Variants in ROPN1B observed in about 807,000 individuals in gnomAD.
The protein encoded by ROPN1B is ropporin-1B.
A neutral mutation model predicts 23.7 loss-of-function variants in ROPN1B; 13 were observed. That is an observed-to-expected ratio of 0.55 (90% CI 0.36 to 0.87). The LOEUF (loss-of-function observed/expected upper bound fraction) is 0.87, where lower values mean the gene tolerates loss of function less well. ROPN1B is among the 40% of genes least tolerant of loss of function. The pLI is 0.01. For synonymous variants in ROPN1B, 67 were observed against 100.4 expected, an observed-to-expected ratio of 0.67 and a Z score of 1.99; for missense variants, 183 against 249.2, an observed-to-expected ratio of 0.73 and a Z score of 1.79.
rs991509642 is a variant in ROPN1B at position 125,971,156 on chromosome 3, TGCCCAGGTGA to T, written c.-14_-13+8del. 4 of 153,350 alleles carry T rather than the reference TGCCCAGGTGA, an allele frequency of 2.6e-5. No homozygotes were observed. The highest frequency in any genetic ancestry group is 9.7e-5 in the African/African-American group (4 of 41,424). The allele number at this position is 153,350 out of a possible 1,614,324, so 9.5% of individuals were successfully genotyped here. A position where few individuals can be genotyped will look rare whatever the true frequency, so the allele number is the denominator to read the frequency against. On this transcript the variant is annotated splice_donor_variant and splice_donor_region_variant and 5_prime_UTR_variant and intron_variant, in exon 2 of 7. Transcript: ENST00000514116. LOFTEE classifies it low-confidence loss of function (5UTR_SPLICE). ...GCTTCAAGTTCCTGCCATCTACATGTGCCCAGGTGAGCCCTAGTTTCTTCATTTGCCCAGC... is the reference window on the plus strand; with the variant it reads ...GCTTCAAGTTCCTGCCATCTACATGTGCCCTAGTTTCTTCATTTGCCCAGC...
intron 3 of ROPN1B, chr3:125,973,302 A>C (rs1938284126): frequency 6.2e-5 from 20 of 323,032 alleles, no homozygotes; most frequent in Non-Finnish European, 6.1e-5. Flanking sequence ...TCTCTGGGCC[A>C]GTGTTGTGCT....
chr3:125,975,089 C>T (rs1938355016), intron 3 of ROPN1B, among the ~76,000 whole-genome samples: 3 of 152,080 alleles, frequency 2.0e-5, no homozygotes, highest in African/African-American at 2.4e-5. Flanking sequence ...AGTGGTCCTC[C>T]AGGCTCAGGC....
intron 5 of ROPN1B, chr3:125,978,000 C>A (rs1938484294): frequency 6.6e-6 from 1 of 152,158 alleles, no homozygotes; most frequent in Admixed American, 6.5e-5. Context: ...CTCAAATATG[C>A]TTGGAATGCA....
Position 125,982,395 on chromosome 3 carries a change from G to A in ROPN1B, c.522G>A (p.Glu174=), listed in dbSNP as rs1383313734. The change falls in exon 6 of 7, where the codon GAG becomes GAA. Residue 174 remains glutamate, a synonymous_variant. Transcript: ENST00000514116. ...CGTATATTGCCGAAGTGGATGGGGA[G>A]ATCTGTGCATCACATGTCAGCAGGA... ...LYTYIAEVDG[E]ICASHVSRML... 6.2e-7 allele frequency: 1 copy of A among 1,612,990 alleles called. No homozygotes were observed.
At chr3:125,974,328 C>A (rs1166586056) in intron 3 of ROPN1B, among the ~76,000 whole-genome samples, 1 of 150,430 alleles carries the variant, frequency 6.6e-6, no homozygotes, top group Admixed American at 6.6e-5. Context: ...AGGTGCCCTT[C>A]CTGCTGATGA....
intron 5 of ROPN1B, among the ~76,000 whole-genome samples, chr3:125,978,984 G>A (rs1329720668): frequency 1.3e-5 from 2 of 152,144 alleles, no homozygotes; most frequent in Admixed American, 6.5e-5. Flanking sequence ...AGGTGAATTG[G>A]ATCTTTCTAC....
chr3:125,981,880 G>T (rs1302392613), intron 5 of ROPN1B, among the ~76,000 whole-genome samples: 1 of 152,050 alleles, frequency 6.6e-6, no homozygotes, highest in Non-Finnish European at 1.5e-5. Flanking sequence ...GAGTATATAG[G>T]CTAGACCATT....
intron 6 of ROPN1B, among the ~76,000 whole-genome samples, chr3:125,982,719 C>T (rs1938650934): frequency 2.0e-5 from 3 of 152,186 alleles, no homozygotes; most frequent in Non-Finnish European, 1.5e-5. Context: ...ACACCCTAGA[C>T]CCATGGAATC....
intron 3 of ROPN1B, among the ~76,000 whole-genome samples, chr3:125,974,508 G>A (rs1415549223): frequency 6.6e-6 from 1 of 152,176 alleles, no homozygotes; most frequent in Admixed American, 6.5e-5. Context: ...GGATCTGGAG[G>A]AAGTAATGGA....
chr3:125,970,362 C>A (rs1448702396), intron 1 of ROPN1B, among the ~76,000 whole-genome samples: 1 of 152,160 alleles, frequency 6.6e-6, no homozygotes, highest in Non-Finnish European at 1.5e-5. Flanking sequence ...CTCATAGAAA[C>A]CCTCTGAGAT....
chr3:125,974,790 A>AGTT (rs1398444367), intron 3 of ROPN1B, among the ~76,000 whole-genome samples: 9 of 152,332 alleles, frequency 5.9e-5, no homozygotes, highest in Admixed American at 3.3e-4. Flanking sequence ...ATGGAGAAAC[A>AGTT]GTTTTATTTT....
chr3:125,971,283 C>T (rs1420848297), intron 2 of ROPN1B, 121 bp downstream of exon 2: 5 of 152,110 alleles, frequency 3.3e-5, no homozygotes, highest in African/African-American at 9.7e-5. Context: ...AAGGCTTGTA[C>T]TGAGATTTGT....
intron 4 of ROPN1B, among the ~76,000 whole-genome samples, chr3:125,976,208 A>G (rs1290514709): frequency 6.6e-6 from 1 of 152,194 alleles, no homozygotes; most frequent in Admixed American, 6.5e-5. Flanking sequence ...CCCAGGAAAT[A>G]TGGTTGAGCA....
intron 3 of ROPN1B, 29 bp downstream of exon 3, chr3:125,972,199 T>C: frequency 6.2e-7 from 1 of 1,609,658 alleles, no homozygotes; most frequent in Non-Finnish European, 8.5e-7. Context: ...CCTTCATCTC[T>C]TGGAGGACGG....
In ROPN1B at chr3:125,982,376, T is replaced by C. The variant is rs1411759186; in HGVS notation, c.503T>C (p.Ile168Thr). ...ACCTTCCAGTTTCTCTACACGTATA[T>C]TGCCGAAGTGGATGGGGAGATCTGT... Reference protein sequence around the residue: ...FSTFQFLYTYIAEVDGEICAS... With the variant: ...FSTFQFLYTYTAEVDGEICAS... Residue 168 changes from isoleucine (I) to threonine (T), a missense_variant, in exon 6 of 7, where the codon ATT becomes ACT. Ile to Thr is a moderately conservative substitution (Grantham distance 89). Coordinates refer to ENST00000514116, the MANE Select transcript of ROPN1B (RefSeq NM_001308313.2). The C allele has an allele frequency of 3.7e-6, 6 of 1,613,532 alleles. No individual in the cohort carries two copies. In the Admixed American group the frequency reaches 5.0e-5, roughly 13 times the overall value.
chr3:125,974,319 G>C (rs1408445866), intron 3 of ROPN1B, among the ~76,000 whole-genome samples: 1 of 147,224 alleles, frequency 6.8e-6, no homozygotes, highest in African/African-American at 2.5e-5. Context: ...CATTGTTAAA[G>C]GTGCCCTTCC....
At chr3:125,978,865 G>A (rs1398845190) in intron 5 of ROPN1B, among the ~76,000 whole-genome samples, 2 of 152,146 alleles carry the variant, frequency 1.3e-5, no homozygotes, top group Admixed American at 6.5e-5. Flanking sequence ...GAGTAACAAA[G>A]AGTGACTTTG....
At position 125,969,214 on chromosome 3, in the gene ROPN1B, A is replaced by T. The variant is rs1938104217; in HGVS notation, c.-245A>T. 2.9e-5 allele frequency: 1 copy of T among 34,448 alleles called. No individual in the cohort carries two copies. Among genetic ancestry groups the T allele is most frequent in the Admixed American group, 2.5e-4 (1 of 4,068 alleles). The allele number at this position is 34,448 out of a possible 1,614,324, so 2.1% of individuals were successfully genotyped here. On this transcript the variant is annotated 5_prime_UTR_variant, in exon 1 of 7. Transcript: ENST00000514116. Reference sequence around the variant, plus strand: ...GGCGAAGGCGGAGCGCTAACGTCTAACGCTAACGGCGGTCGTGCCCCGCCG... The same window carrying T: ...GGCGAAGGCGGAGCGCTAACGTCTATCGCTAACGGCGGTCGTGCCCCGCCG...
rs1052131741 is a variant in ROPN1B, at chr3:125,983,395, T to C, written c.*75T>C. ...CAGAATGATAAACCCATATACCACC[T>C]AAAATCAATTTTCTTGTACAACTGG... On this transcript the variant is annotated 3_prime_UTR_variant, in exon 7 of 7. Transcript: ENST00000514116. 1.5e-5 allele frequency: 15 copies of C among 978,036 alleles called. No individual in the cohort carries two copies. The African/African-American group carries it at 2.2e-4, about 15-fold the overall frequency. The allele number at this position is 978,036 out of a possible 1,614,324, so 60.6% of individuals were successfully genotyped here.
Sources: allele counts gnomAD v4.1 joint callset (sites outside exome capture counted in the v4.1 genomes callset), GRCh38; gene constraint gnomAD v4.1.1; transcripts MANE v1.5; gene names NCBI Gene and HGNC (gene_info 2026-07-23, HGNC 2026-07-21).